Variants in GATAD2A observed in about 807,000 individuals in gnomAD.
GATAD2A encodes transcriptional repressor p66-alpha.
In GATAD2A, 12 loss-of-function variants were observed where a neutral mutation model predicts 68.5. The ratio of observed to expected loss-of-function variants is 0.18; its 90% confidence interval spans 0.11 to 0.28. The LOEUF is 0.28. Ranked by LOEUF, GATAD2A falls within the 10% of genes least tolerant of loss-of-function variation. GATAD2A has a pLI of 1.00. For synonymous variants in GATAD2A, 410 were observed against 375.3 expected (o/e 1.09, Z -1.07); for missense variants, 755 against 868.5 (o/e 0.87, Z 1.64).
intron 1 of GATAD2A, among the ~76,000 whole-genome samples, chr19:19,390,163 C>T (rs963969354): frequency 2.0e-5 from 3 of 152,178 alleles, no homozygotes; most frequent in Non-Finnish European, 4.4e-5. Flanking sequence ...TCTGGTGCTG[C>T]CCTTCTTAGT....
Position 19,391,033 on chromosome 19 carries a change from C to CT in GATAD2A, c.-7+4895_-7+4896insT, listed in dbSNP as rs202154908. ...TCAGCTTAGAGGCTGGGGCAGGGGT[C>CT]GGGGGGCAGTGGAATAGAGGGGAGT... On this transcript the variant is annotated intron_variant, in intron 1 of 11. Transcript: ENST00000360315. 5.3e-3 allele frequency among the ~76,000 whole-genome samples: 803 copies of CT among 151,772 alleles called. 6 individuals carry two copies. The highest frequency in any genetic ancestry group is 0.041 in the South Asian group (198 of 4,800).
Position 19,436,353 on chromosome 19 carries a change from C to G in GATAD2A, c.-6-28987C>G, listed in dbSNP as rs147552908. 7.9e-4 allele frequency: 355 copies of G among 447,606 alleles called. 1 individual carries two copies. Among genetic ancestry groups the G allele is most frequent in the African/African-American group, 6.4e-3 (318 of 49,970 alleles). 27.7% of individuals were successfully genotyped at this position (447,606 alleles called of 1,614,324 possible). A position where few individuals can be genotyped will look rare whatever the true frequency, so the allele number is the denominator to read the frequency against. On this transcript the variant is annotated intron_variant, in intron 1 of 11. Coordinates refer to ENST00000683918, the MANE Select transcript of GATAD2A (RefSeq NM_001384528.1). ...GAGAAGATGGAGGGAGGCAGGCCCC[C>G]TGGGATCGCACACTGTGCAGTCTGT...
At chr19:19,447,425 A>G (rs2147764586) in intron 1 of GATAD2A, among the ~76,000 whole-genome samples, 1 of 152,326 alleles carries the variant, frequency 6.6e-6, no homozygotes, top group South Asian at 2.1e-4. Context: ...AAGCACTGAT[A>G]CAGACCCCCC....
At chr19:19,406,824 C>T (rs139069778) in intron 1 of GATAD2A, among the ~76,000 whole-genome samples, 1 of 152,308 alleles carries the variant, frequency 6.6e-6, no homozygotes, top group East Asian at 1.9e-4. Context: ...ATTGTGCGCA[C>T]ACTGGGACCC....
chr19:19,430,670 C>T (rs1488239178), intron 1 of GATAD2A, among the ~76,000 whole-genome samples: 2 of 152,316 alleles, frequency 1.3e-5, no homozygotes, highest in East Asian at 3.9e-4. Context: ...AGAGCCCATG[C>T]TTCCGGATCA....
chr19:19,419,915 C>G (rs1329553834), intron 1 of GATAD2A, among the ~76,000 whole-genome samples: 2 of 151,420 alleles, frequency 1.3e-5, no homozygotes, highest in Admixed American at 6.6e-5. Flanking sequence ...TACAGCGGTT[C>G]AGGTTTGAGC....
intron 1 of GATAD2A, among the ~76,000 whole-genome samples, chr19:19,416,837 A>G (rs568691357): frequency 6.6e-5 from 10 of 151,472 alleles, no homozygotes; most frequent in Non-Finnish European, 1.2e-4. Flanking sequence ...ATCTTGGCTC[A>G]CTGCAACCTT....
intron 2 of GATAD2A, among the ~76,000 whole-genome samples, chr19:19,479,663 C>T (rs1048345335): frequency 6.6e-6 from 1 of 152,136 alleles, no homozygotes; most frequent in Non-Finnish European, 1.5e-5. Context: ...GTGAAGTGCT[C>T]TTCTCGTCAC....
intron 1 of GATAD2A, among the ~76,000 whole-genome samples, chr19:19,408,264 C>T (rs2050517592): frequency 6.6e-6 from 1 of 152,176 alleles, no homozygotes. Context: ...GGATTACAGG[C>T]GTGAGCCACC....
chr19:19,484,985 T>TG (rs1313636195), intron 2 of GATAD2A, among the ~76,000 whole-genome samples: 2 of 152,196 alleles, frequency 1.3e-5, no homozygotes, highest in African/African-American at 4.8e-5. Flanking sequence ...TCCTTTTCCA[T>TG]GGGACCCTCT....
chr19:19,429,162 T>C, intron 1 of GATAD2A: 1 of 984,724 alleles, frequency 1.0e-6, no homozygotes, highest in Non-Finnish European at 1.2e-6. Context: ...CTTGTGTCCA[T>C]GGAGCATGGA....
At chr19:19,440,292 A>T (rs1320522665) in intron 1 of GATAD2A, 1 of 225,686 alleles carries the variant, frequency 4.4e-6, no homozygotes, top group Non-Finnish European at 8.6e-6. Context: ...TTTTTTTGAG[A>T]TGGAGTCTTG....
At chr19:19,478,603 A>AG (rs2058835829) in intron 2 of GATAD2A, among the ~76,000 whole-genome samples, 3 of 152,010 alleles carry the variant, frequency 2.0e-5, no homozygotes. Flanking sequence ...CAAAAAAAAA[A>AG]GAAAAAAAAT....
chr19:19,488,939 C>T (rs974253138), intron 2 of GATAD2A, among the ~76,000 whole-genome samples: 4 of 152,152 alleles, frequency 2.6e-5, no homozygotes, highest in African/African-American at 7.2e-5. Context: ...CCCTGGGCCA[C>T]GATGCCATCC....
intron 2 of GATAD2A, among the ~76,000 whole-genome samples, chr19:19,480,848 A>AGT (rs367859289): frequency 2.0e-5 from 3 of 152,324 alleles, no homozygotes; most frequent in African/African-American, 7.2e-5. Context: ...GACAGGTGCA[A>AGT]GTGATGGGGA....
In GATAD2A at chr19:19,432,514, T is replaced by A. The variant is rs2053865568; in HGVS notation, c.-7+26495T>A. On this transcript the variant is annotated intron_variant, in intron 1 of 11. Transcript: ENST00000683918. ...CGAGGTTTCGCCATGTTGGCCAGGATGGTTTCGAACCCCTGACCTCAAGTG... is the reference window on the plus strand; with the variant it reads ...CGAGGTTTCGCCATGTTGGCCAGGAAGGTTTCGAACCCCTGACCTCAAGTG... 2.0e-5 allele frequency among the ~76,000 whole-genome samples: 3 copies of A among 151,992 alleles called. No homozygotes were observed. The South Asian group carries it at 6.2e-4, about 31-fold the overall frequency.
chr19:19,457,082 A>G, intron 1 of GATAD2A: 2 of 985,228 alleles, frequency 2.0e-6, no homozygotes, highest in Non-Finnish European at 2.4e-6. Context: ...CAGTCCTTCA[A>G]CTCAGAGCAC....
intron 1 of GATAD2A, among the ~76,000 whole-genome samples, chr19:19,393,502 A>G (rs1408365063): frequency 6.6e-6 from 1 of 152,208 alleles, no homozygotes; most frequent in Non-Finnish European, 1.5e-5. Flanking sequence ...AAGATAAAAC[A>G]TTTTCATGCT....
intron 11 of GATAD2A, 127 bp from the exon 12 acceptor site, chr19:19,505,217 T>C (rs3752151): frequency 0.38 from 288,567 of 766,022 alleles, 57,586 homozygotes; most frequent in African/African-American, 0.62. Context: ...GTAGTGTGGG[T>C]GGGTTTGCAA....
Sources: allele counts gnomAD v4.1 joint callset (sites outside exome capture counted in the v4.1 genomes callset), GRCh38; gene constraint gnomAD v4.1.1; transcripts MANE v1.5; gene names NCBI Gene and HGNC (gene_info 2026-07-23, HGNC 2026-07-21).